The following SLITRK1 variants were observed in gnomAD, a reference collection of about 807,000 sequenced individuals.
The protein encoded by SLITRK1 is SLIT and NTRK-like protein 1.
In SLITRK1, 10 loss-of-function variants were observed where a neutral mutation model predicts 42.4. The observed-to-expected ratio is 0.24, with a 90% CI of 0.15 to 0.40. The LOEUF (loss-of-function observed/expected upper bound fraction) is 0.40, where lower values mean the gene tolerates loss of function less well. Ranked by LOEUF, SLITRK1 falls within the 10% of genes least tolerant of loss-of-function variation. The pLI is 1.00. For synonymous variants in SLITRK1, 389 were observed against 365.7 expected, an observed-to-expected ratio of 1.06 and a Z score of -0.73; for missense variants, 778 against 848.8, an observed-to-expected ratio of 0.92 and a Z score of 1.04.
Position 83,879,004 on chromosome 13 carries a change from G to A in SLITRK1, c.*413C>T, listed in dbSNP as rs904115526. 5.4e-6 allele frequency: 1 copy of A among 183,614 alleles called. No individual in the cohort carries two copies. The highest frequency in any genetic ancestry group is 1.2e-4 in the South Asian group (1 of 8,566). 11.4% of individuals were successfully genotyped at this position (183,614 alleles called of 1,614,324 possible). ...TGCGTAGCCAACAGGGAGCCATCAC[G>A]GGGCTAATCCACAGGGGAAAAATAG... On this transcript the variant is annotated 3_prime_UTR_variant, in exon 2 of 2. Coordinates refer to ENST00000674365, the MANE Select transcript of SLITRK1 (RefSeq NM_001281503.2).
chr13:83,881,157 CTTG>C lies in SLITRK1; in HGVS notation c.348_350del (p.Asn116del). ...AAGTCTGCTTTCGAAAAGACTTGAT[CTTG>C]TTGTTGTTGATGTGCAGCCTTTTCA... On this transcript the variant is annotated inframe_deletion, in exon 2 of 2. Transcript: ENST00000674365. 6.2e-7 allele frequency: 1 copy of C among 1,614,070 alleles called. No individual in the cohort carries two copies. The highest frequency in any genetic ancestry group is 8.5e-7 in the Non-Finnish European group (1 of 1,180,014).
rs771859498 is a variant in SLITRK1 at position 83,879,774 on chromosome 13, G to A, written c.1734C>T (p.Cys578=). The A allele has an allele frequency of 6.2e-7, 1 of 1,614,064 alleles. No individual in the cohort carries two copies. ...DFMLLSNDEI[C]PQLYARISPT... ...GCGAGATCCTAGCGTACAGCTGAGG[G>A]CAGATCTCGTCATTGGAGAGGAGCA... Residue 578 remains cysteine, a synonymous_variant, in exon 2 of 2, where the codon TGC becomes TGT. Coordinates refer to ENST00000674365, the MANE Select transcript of SLITRK1 (RefSeq NM_001281503.2).
In SLITRK1 at chr13:83,880,728, C is replaced by T; in HGVS notation, c.780G>A (p.Leu260=). 1 of 1,614,134 alleles carries T rather than the reference C, an allele frequency of 6.2e-7. No individual in the cohort carries two copies. Among genetic ancestry groups the T allele is most frequent in the Non-Finnish European group, 8.5e-7 (1 of 1,180,012 alleles). The change falls in exon 2 of 2, where the codon TTG becomes TTA. Residue 260 remains leucine (L), a synonymous_variant. Coordinates refer to ENST00000674365, the MANE Select transcript of SLITRK1 (RefSeq NM_001281503.2). ...KDLNETTEQD[L]CPLKNRVDSS... ...AATCCACTCGGTTTTTCAAAGGACA[C>T]AAGTCCTGTTCGGTGGTTTCATTGA... is the stretch of plus-strand genomic sequence containing the variant.
Position 83,880,461 on chromosome 13 carries a change from G to A in SLITRK1, c.1047C>T (p.His349=), listed in dbSNP as rs1330457491. ...LPCPGGCSCD[H]IPGSGLKMNC... is the part of the protein sequence containing the mutation. ...TCATCTTTAAACCCGACCCTGGGAT[G>A]TGGTCGCAGCTGCAGCCCCCAGGGC... is the stretch of plus-strand genomic sequence containing the variant. The change falls in exon 2 of 2, where the codon CAC becomes CAT. Residue 349 remains histidine, a synonymous_variant. Coordinates refer to ENST00000674365, the MANE Select transcript of SLITRK1 (RefSeq NM_001281503.2). 1 of 1,613,934 alleles carries A rather than the reference G, an allele frequency of 6.2e-7. No homozygotes were observed. Among genetic ancestry groups the A allele is most frequent in the Non-Finnish European group, 8.5e-7 (1 of 1,180,018 alleles).
chr13:83,880,375 T>G lies in SLITRK1; in HGVS notation c.1133A>C (p.Gln378Pro). Residue 378 changes from glutamine to proline, a missense_variant, in exon 2 of 2, where the codon CAG (glutamine) becomes CCG (proline). By Grantham distance (76) the Gln-to-Pro change is moderately conservative. Around this residue, in one of 4 missense-constraint regions of SLITRK1, gnomAD observed 395 missense variants for 360.4 expected, o/e 1.10. Coordinates refer to ENST00000674365, the MANE Select transcript of SLITRK1 (RefSeq NM_001281503.2). ...CTTGTTATCTCGTAGGAAAAGCTCC[T>G]GCACGTTAGAGAGCTTGGGCTTCAA... is the stretch of plus-strand genomic sequence containing the variant. ...ADLKPKLSNV[Q>P]ELFLRDNKIH... The G allele has an allele frequency of 6.2e-7, 1 of 1,613,940 alleles. No individual in the cohort carries two copies.
At position 83,880,292 on chromosome 13, in the gene SLITRK1, G is replaced by A; in HGVS notation, c.1216C>T (p.Leu406=). The stretch of plus-strand genomic sequence containing the variant: ...ACAGTAGCGATGTTATTGTTGCCCA[G>A]ATCCAACAGAATGAGGTTCTTGTAA... The part of the protein sequence containing the change: ...VDYKNLILLD[L]GNNNIATVEN... Residue 406 remains leucine, a synonymous_variant, in exon 2 of 2, where the codon CTG becomes TTG. Transcript: ENST00000674365. The A allele has an allele frequency of 6.2e-7, 1 of 1,613,994 alleles. No individual in the cohort carries two copies. Among genetic ancestry groups the A allele is most frequent in the South Asian group, 1.1e-5 (1 of 91,066 alleles).
Position 83,880,226 on chromosome 13 carries a change from G to C in SLITRK1, c.1282C>G (p.Leu428Val), listed in dbSNP as rs1361223671. The part of the protein sequence containing the change: ...TFKNLLDLRW[L>V]YMDSNYLDTL... ...TCCAGGTAATTGCTATCCATGTATA[G>C]CCACCTGAGGTCCAAAAGGTTCTTG... The change falls in exon 2 of 2, where the codon CTA becomes GTA. Residue 428 changes from leucine to valine, a missense_variant. Leu to Val is a conservative substitution (Grantham distance 32). Transcript: ENST00000674365. 5.6e-6 allele frequency: 9 copies of C among 1,614,082 alleles called. No homozygotes were observed. Among genetic ancestry groups the C allele is most frequent in the Non-Finnish European group, 7.6e-6 (9 of 1,180,024 alleles).
chr13:83,879,418 T>C lies in SLITRK1; in HGVS notation c.2090A>G (p.Ter697=). ...YDCGSHSLSD[*] Reference sequence around the variant, plus strand: ...CCCTCCCCTATTGGGGTTGGGGTCTTAGTCTGAGAGCGAGTGAGAGCCACA... The same window carrying C: ...CCCTCCCCTATTGGGGTTGGGGTCTCAGTCTGAGAGCGAGTGAGAGCCACA... The change falls in exon 2 of 2, where the codon TAA becomes TGA. Residue 697 remains the stop codon, a stop_retained_variant. Transcript: ENST00000674365. The C allele has an allele frequency of 6.2e-7, 1 of 1,612,934 alleles. No homozygotes were observed. The highest frequency in any genetic ancestry group is 8.5e-7 in the Non-Finnish European group (1 of 1,179,996).
Position 83,880,878 on chromosome 13 carries a change from C to T in SLITRK1, c.630G>A (p.Glu210=), listed in dbSNP as rs1884799630. ...CACAGGTGCAGTCCCAAGGGTTATC[C>T]TCTAGCAGGATCTCCGCAATACCAG... The part of the protein sequence containing the change: ...QIPGIAEILL[E]DNPWDCTCDL... Residue 210 remains glutamate, a synonymous_variant, in exon 2 of 2, where the codon GAG becomes GAA. Transcript: ENST00000674365. 3.1e-6 allele frequency: 5 copies of T among 1,614,098 alleles called. No homozygotes were observed. Among genetic ancestry groups the T allele is most frequent in the Non-Finnish European group, 4.2e-6 (5 of 1,180,018 alleles).
At position 83,877,507 on chromosome 13, in the gene SLITRK1, A is replaced by G. The variant is rs1373447955; in HGVS notation, c.*1910T>C. 6.6e-6 allele frequency: 1 copy of G among 152,218 alleles called. No homozygotes were observed. The highest frequency in any genetic ancestry group is 1.5e-5 in the Non-Finnish European group (1 of 68,048). 9.4% of individuals were successfully genotyped at this position (152,218 alleles called of 1,614,324 possible). On this transcript the variant is annotated 3_prime_UTR_variant, in exon 2 of 2. Coordinates refer to ENST00000674365, the MANE Select transcript of SLITRK1 (RefSeq NM_001281503.2). ...AACTGCTGTTTAGAAATCCCAGAGG[A>G]ATATGATTGAGGCCAGAGTTACATT...
At position 83,880,599 on chromosome 13, in the gene SLITRK1, A is replaced by G; in HGVS notation, c.909T>C (p.Ser303=). The G allele has an allele frequency of 1.2e-6, 2 of 1,614,164 alleles. No individual in the cohort carries two copies. Among genetic ancestry groups the G allele is most frequent in the African/African-American group, 1.3e-5 (1 of 75,054 alleles). ...NGQEDHATPG[S]APNGGTKIPG... ...GGATCTTTGTACCTCCGTTTGGAGC[A>G]GACCCTGGTGTGGCATGATCCTCTT... The change falls in exon 2 of 2, where the codon TCT becomes TCC. Residue 303 remains serine (S), a synonymous_variant. Coordinates refer to ENST00000674365, the MANE Select transcript of SLITRK1 (RefSeq NM_001281503.2).
Position 83,879,564 on chromosome 13 carries a change from C to A in SLITRK1, c.1944G>T (p.Arg648=), listed in dbSNP as rs943675696. Residue 648 remains arginine (R), a synonymous_variant, in exon 2 of 2, where the codon CGG becomes CGT. Coordinates refer to ENST00000674365, the MANE Select transcript of SLITRK1 (RefSeq NM_001281503.2). The part of the protein sequence containing the change: ...MLVFILRNRK[R]SKRRDANSSA... ...AGGAGTTGGCATCTCGTCTCTTGGA[C>A]CGCTTTCGGTTCCTCAGGATAAACA... The A allele has an allele frequency of 2.5e-6, 4 of 1,613,896 alleles. No homozygotes were observed. In the African/African-American group the frequency reaches 4.0e-5, roughly 16 times the overall value.
In SLITRK1 at chr13:83,880,260, G is replaced by A. The variant is rs751501445; in HGVS notation, c.1248C>T (p.Asn416=). Reference sequence around the variant, plus strand: ...GGTCCAAAAGGTTCTTGAAAGTGTTGTTCTCTACAGTAGCGATGTTATTGT... The same window carrying A: ...GGTCCAAAAGGTTCTTGAAAGTGTTATTCTCTACAGTAGCGATGTTATTGT... ...LGNNNIATVE[N]NTFKNLLDLR... Residue 416 remains asparagine (N), a synonymous_variant, in exon 2 of 2, where the codon AAC becomes AAT. Coordinates refer to ENST00000674365, the MANE Select transcript of SLITRK1 (RefSeq NM_001281503.2). 17 of 1,614,036 alleles carry A rather than the reference G, an allele frequency of 1.1e-5. No homozygotes were observed. Among genetic ancestry groups the A allele is most frequent in the Middle Eastern group, 1.6e-4 (1 of 6,062 alleles).
In SLITRK1 at chr13:83,879,046, A is replaced by C; in HGVS notation, c.*371T>G. 1 of 274,294 alleles carries C rather than the reference A, an allele frequency of 3.6e-6. No individual in the cohort carries two copies. The allele number at this position is 274,294 out of a possible 1,614,324, so 17.0% of individuals were successfully genotyped here. A position where few individuals can be genotyped will look rare whatever the true frequency, so the allele number is the denominator to read the frequency against. On this transcript the variant is annotated 3_prime_UTR_variant, in exon 2 of 2. Coordinates refer to ENST00000674365, the MANE Select transcript of SLITRK1 (RefSeq NM_001281503.2). ...GAAAAATAGATATCTATCTCTCTATATAGATGTGGATATATGTATATATGT... is the reference window on the plus strand; with the variant it reads ...GAAAAATAGATATCTATCTCTCTATCTAGATGTGGATATATGTATATATGT...
Position 83,879,701 on chromosome 13 carries a change from C to G in SLITRK1, c.1807G>C (p.Gly603Arg). The G allele has an allele frequency of 2.5e-6, 4 of 1,613,918 alleles. No homozygotes were observed. Among genetic ancestry groups the G allele is most frequent in the Non-Finnish European group, 3.4e-6 (4 of 1,179,996 alleles). The change falls in exon 2 of 2, where the codon GGG becomes CGG. Residue 603 changes from glycine to arginine, a missense_variant. Physicochemically the swap from Gly to Arg is moderately radical, Grantham distance 125. Transcript: ENST00000674365. ...SKNSTGLAET[G>R]THSNSYLDTS... ...TCTAGGTAGGAGTTGGAGTGCGTCC[C>G]GGTCTCCGCCAACCCAGTGCTGTTT...
chr13:83,879,381 G>A lies in SLITRK1; in HGVS notation c.*36C>T. The stretch of plus-strand genomic sequence containing the variant: ...TGCCTGCGGTGGGGAAGGATGTATC[G>A]CCTTCCCTCTGCCCTCCCCTATTGG... On this transcript the variant is annotated 3_prime_UTR_variant, in exon 2 of 2. Transcript: ENST00000674365. 3 of 1,607,614 alleles carry A rather than the reference G, an allele frequency of 1.9e-6. No homozygotes were observed. The highest frequency in any genetic ancestry group is 2.5e-6 in the Non-Finnish European group (3 of 1,178,350).
chr13:83,879,273 C>A lies in SLITRK1; in HGVS notation c.*144G>T. 1.0e-6 allele frequency: 1 copy of A among 996,496 alleles called. No homozygotes were observed. Among genetic ancestry groups the A allele is most frequent in the Non-Finnish European group, 1.5e-6 (1 of 663,380 alleles). 61.7% of individuals were successfully genotyped at this position (996,496 alleles called of 1,614,324 possible). A position where few individuals can be genotyped will look rare whatever the true frequency, so the allele number is the denominator to read the frequency against. On this transcript the variant is annotated 3_prime_UTR_variant, in exon 2 of 2. Transcript: ENST00000674365. ...AAGGGGTCAGGCCCTTTCGGTTGTG[C>A]GAGCTCACAGTTATTTATCTACTTA... is the stretch of plus-strand genomic sequence containing the variant.
In SLITRK1 at chr13:83,880,931, G is replaced by T. The variant is rs138358044; in HGVS notation, c.577C>A (p.Pro193Thr). 7.4e-6 allele frequency: 12 copies of T among 1,613,900 alleles called. No individual in the cohort carries two copies. Among genetic ancestry groups the T allele is most frequent in the Admixed American group, 1.7e-5 (1 of 59,980 alleles). Residue 193 changes from proline to threonine, a missense_variant, in exon 2 of 2, where the codon CCC (proline) becomes ACC (threonine). Physicochemically the swap from Pro to Thr is conservative, Grantham distance 38. This residue lies in a region of SLITRK1 where 204 missense variants were observed against 295.3 expected (regional missense o/e 0.69). Coordinates refer to ENST00000674365, the MANE Select transcript of SLITRK1 (RefSeq NM_001281503.2). ...ATTTGCTCCAAGACCTCCTCATAGGGCAGCGTTTTCAGCCTGTTACCCCGG... is the reference window on the plus strand; with the variant it reads ...ATTTGCTCCAAGACCTCCTCATAGGTCAGCGTTTTCAGCCTGTTACCCCGG... ...DLRGNRLKTLPYEEVLEQIPG... is the reference protein window; with the variant it reads ...DLRGNRLKTLTYEEVLEQIPG...
rs1884723424 is a variant in SLITRK1, at chr13:83,877,874, T to A, written c.*1543A>T. 6.6e-6 allele frequency: 1 copy of A among 152,332 alleles called. No individual in the cohort carries two copies. The highest frequency in any genetic ancestry group is 1.5e-5 in the Non-Finnish European group (1 of 67,962). 9.4% of individuals were successfully genotyped at this position (152,332 alleles called of 1,614,324 possible). A position where few individuals can be genotyped will look rare whatever the true frequency, so the allele number is the denominator to read the frequency against. ...CAATTAAATCAAATCTCTCCTAACATCCTTAATATATCTGCAGTGTGGGCA... is the reference window on the plus strand; with the variant it reads ...CAATTAAATCAAATCTCTCCTAACAACCTTAATATATCTGCAGTGTGGGCA... On this transcript the variant is annotated 3_prime_UTR_variant, in exon 2 of 2. Coordinates refer to ENST00000674365, the MANE Select transcript of SLITRK1 (RefSeq NM_001281503.2).
Sources: gnomAD v4.1 joint callset for allele counts on GRCh38, gnomAD v4.1.1 for gene constraint, gnomAD v4.1.1 regional missense constraint, MANE v1.5 for transcripts, NCBI Gene and HGNC (gene_info 2026-07-23, HGNC 2026-07-21) for gene names.